The following INPPL1 variants were observed in gnomAD, a reference collection of about 807,000 sequenced individuals.
INPPL1 encodes inositol polyphosphate phosphatase like 1, also known as phosphatidylinositol 3,4,5-trisphosphate 5-phosphatase 2.
A neutral mutation model predicts 139.3 loss-of-function variants in INPPL1; 91 were observed. The ratio of observed to expected loss-of-function variants is 0.65; its 90% CI spans 0.55 to 0.78. The LOEUF (loss-of-function observed/expected upper bound fraction) is 0.78. Among genes scored for constraint, INPPL1 ranks in the 30% least tolerant of loss-of-function variants. INPPL1 has a pLI of 0.00. For synonymous variants in INPPL1, 719 were observed against 686.6 expected (o/e 1.05, Z -0.74); for missense variants, 1,411 against 1,665.6 (o/e 0.85, Z 2.66).
At position 72,235,641 on chromosome 11, in the gene INPPL1, G is replaced by C. The variant is rs1167568815; in HGVS notation, c.2660-34G>C. 2 of 1,611,732 alleles carry C rather than the reference G, an allele frequency of 1.2e-6. No homozygotes were observed. Among genetic ancestry groups the C allele is most frequent in the Non-Finnish European group, 8.5e-7 (1 of 1,178,332 alleles). ...GGTGTCTGTGGGATCCAGGAGCCCA[G>C]GTCTCCTCTGAGTCTCCCTTCCTGC... On this transcript the variant is annotated intron_variant, in intron 23 of 27. Coordinates refer to ENST00000298229, the MANE Select transcript of INPPL1 (RefSeq NM_001567.4). The surrounding 1 kb of genome is among the most constrained non-coding windows in gnomAD (Gnocchi z 4.9).
chr11:72,226,777 T>A (rs560740283), intron 1 of INPPL1, among the ~76,000 whole-genome samples: 1 of 152,210 alleles, frequency 6.6e-6, no homozygotes, highest in East Asian at 1.9e-4. Flanking sequence ...CCCAGCCCCC[T>A]CTGAGGCATA....
At chr11:72,227,491 G>A (rs1416866408) in intron 1 of INPPL1, among the ~76,000 whole-genome samples, 1 of 152,098 alleles carries the variant, frequency 6.6e-6, no homozygotes, top group African/African-American at 2.4e-5. Context: ...GTGACTCCTG[G>A]GTGACTCCTT....
intron 1 of INPPL1, among the ~76,000 whole-genome samples, chr11:72,227,716 T>G (rs1278176496): frequency 6.6e-6 from 1 of 152,194 alleles, no homozygotes; most frequent in African/African-American, 2.4e-5. Context: ...TCGGCACAAG[T>G]GCCCTAGACA....
intron 1 of INPPL1, chr11:72,225,580 G>C (rs929866299): frequency 2.1e-6 from 2 of 967,786 alleles, no homozygotes; most frequent in African/African-American, 3.5e-5. Context: ...GACTGACGGG[G>C]TGTGTGGGGA....
chr11:72,238,500 C>A lies in INPPL1; in HGVS notation c.*147C>A. ...TGCCTATTTATTGGGGATCTGCATT[C>A]CCCGCTGCCCAATCATTTGCAATGC... On this transcript the variant is annotated 3_prime_UTR_variant, in exon 28 of 28. Coordinates refer to ENST00000298229, the MANE Select transcript of INPPL1 (RefSeq NM_001567.4). The A allele has an allele frequency of 1.7e-6, 1 of 603,588 alleles. No individual in the cohort carries two copies. The highest frequency in any genetic ancestry group is 2.7e-6 in the Non-Finnish European group (1 of 368,830). The allele number at this position is 603,588 out of a possible 1,614,324, so 37.4% of individuals were successfully genotyped here.
intron 12 of INPPL1, 140 bp from the exon 13 acceptor site, chr11:72,231,358 C>A: frequency 1.1e-6 from 1 of 905,580 alleles, no homozygotes; most frequent in South Asian, 1.5e-5. Context: ...ACGAGAGGAA[C>A]CATTTCTCTC....
At chr11:72,238,200 G>A (rs1395971755) in intron 27 of INPPL1, 25 bp downstream of exon 27, 2 of 1,612,052 alleles carry the variant, frequency 1.2e-6, no homozygotes, top group Non-Finnish European at 1.7e-6. Context: ...GGCCCCGGGG[G>A]CGGAGCTGGG....
chr11:72,232,100 G>A (rs1425156339), intron 13 of INPPL1, 140 bp from the exon 14 acceptor site: 13 of 684,090 alleles, frequency 1.9e-5, no homozygotes, highest in East Asian at 1.1e-4. Context: ...AGGTGTGGGT[G>A]TGTGCAGGGG....
chr11:72,232,375 C>A (rs369827386), intron 14 of INPPL1, 39 bp downstream of exon 14: 1 of 1,512,574 alleles, frequency 6.6e-7, no homozygotes, highest in Admixed American at 2.0e-5. Context: ...TTACACCCAT[C>A]CCATTCACCT....
rs775065378 is a variant in INPPL1, at chr11:72,235,758, G to A, written c.2738+5G>A. 2 of 1,614,114 alleles carry A rather than the reference G, an allele frequency of 1.2e-6. No homozygotes were observed. Among genetic ancestry groups the A allele is most frequent in the Non-Finnish European group, 8.5e-7 (1 of 1,179,968 alleles). ...CCGAGGGAGCCAGGAGCCCAGGTGA[G>A]CTAGGGCTGTGTTGAATGTCATATG... On this transcript the variant is annotated splice_donor_5th_base_variant and intron_variant, in intron 24 of 27. Coordinates refer to ENST00000298229, the MANE Select transcript of INPPL1 (RefSeq NM_001567.4). The surrounding 1 kb of genome is among the most constrained non-coding windows in gnomAD (Gnocchi z 4.9).
Position 72,238,407 on chromosome 11 carries a change from C to G in INPPL1, c.*54C>G. 7.0e-7 allele frequency: 1 copy of G among 1,436,408 alleles called. No individual in the cohort carries two copies. Among genetic ancestry groups the G allele is most frequent in the African/African-American group, 1.4e-5 (1 of 69,378 alleles). 89.0% of individuals were successfully genotyped at this position (1,436,408 alleles called of 1,614,324 possible). A position where few individuals can be genotyped will look rare whatever the true frequency, so the allele number is the denominator to read the frequency against. On this transcript the variant is annotated 3_prime_UTR_variant, in exon 28 of 28. Transcript: ENST00000298229. ...CAGAGCCCCTCCCTGCTACCAAGGCCCAGCTATGGCCCCAGGGTTGAAAAG... is the reference window on the plus strand; with the variant it reads ...CAGAGCCCCTCCCTGCTACCAAGGCGCAGCTATGGCCCCAGGGTTGAAAAG...
intron 1 of INPPL1, 90 bp downstream of exon 1, chr11:72,225,256 G>A (rs933442203): frequency 6.5e-6 from 8 of 1,221,462 alleles, no homozygotes; most frequent in Non-Finnish European, 7.1e-6. Flanking sequence ...AGGGTTTCTG[G>A]GGCGGTGGGA....
chr11:72,229,592 C>T (rs1052407023), intron 6 of INPPL1, 34 bp downstream of exon 6: 26 of 1,612,078 alleles, frequency 1.6e-5, no homozygotes, highest in African/African-American at 2.7e-5. Context: ...GAGGTGCGTT[C>T]GTGTTCTGGA....
At position 72,237,488 on chromosome 11, in the gene INPPL1, G is replaced by C. The variant is rs377723450; in HGVS notation, c.3244G>C (p.Gly1082Arg). 6.2e-7 allele frequency: 1 copy of C among 1,609,718 alleles called. No homozygotes were observed. Among genetic ancestry groups the C allele is most frequent in the Admixed American group, 1.7e-5 (1 of 59,858 alleles). The change falls in exon 26 of 28, where the codon GGG becomes CGG. Residue 1082 changes from glycine to arginine, a missense_variant. Around this residue, in one of 5 missense-constraint regions of INPPL1, gnomAD observed 438 missense variants for 425.7 expected, o/e 1.03. Transcript: ENST00000298229. ...AGGGCCAGTGGTCCGGGGCCGTGGT[G>C]GGGCTGAGGCCCGTGGCCCACCACC... ...LPGPVVRGRG[G>R]AEARGPPPPK...
At position 72,230,133 on chromosome 11, in the gene INPPL1, G is replaced by T; in HGVS notation, c.952G>T (p.Val318Leu). 1 of 1,609,034 alleles carries T rather than the reference G, an allele frequency of 6.2e-7. No homozygotes were observed. The highest frequency in any genetic ancestry group is 8.5e-7 in the Non-Finnish European group (1 of 1,176,224). ...PVQAFEVKLD[V>L]TLGDLTKIGK... The stretch of plus-strand genomic sequence containing the variant: ...ACCTGGCCTACAGGTGAAGCTAGAT[G>T]TGACCCTGGGTGACCTGACCAAGAT... Residue 318 changes from valine (V) to leucine (L), a missense_variant, in exon 9 of 28, where the codon GTG (valine) becomes TTG (leucine). Around this residue, in one of 5 missense-constraint regions of INPPL1, gnomAD observed 504 missense variants for 595.6 expected, o/e 0.85. Coordinates refer to ENST00000298229, the MANE Select transcript of INPPL1 (RefSeq NM_001567.4).
In INPPL1 at chr11:72,234,428, A is replaced by G; in HGVS notation, c.2326+34A>G. Reference sequence around the variant, plus strand: ...CGTGGCAGGGGCTGGGTGTGGGCCAAGGAGGATGGGAGGCAAGAGGGTGCA... The same window carrying G: ...CGTGGCAGGGGCTGGGTGTGGGCCAGGGAGGATGGGAGGCAAGAGGGTGCA... On this transcript the variant is annotated intron_variant, in intron 20 of 27. Coordinates refer to ENST00000298229, the MANE Select transcript of INPPL1 (RefSeq NM_001567.4). The surrounding 1 kb of genome is among the most constrained non-coding windows in gnomAD (Gnocchi z 4.2). 1 of 1,602,348 alleles carries G rather than the reference A, an allele frequency of 6.2e-7. No homozygotes were observed. Among genetic ancestry groups the G allele is most frequent in the Non-Finnish European group, 8.6e-7 (1 of 1,169,306 alleles).
chr11:72,224,894 C>CCCCGGG lies in INPPL1; in HGVS notation c.-85_-80dup, dbSNP rs1948622960. On this transcript the variant is annotated 5_prime_UTR_variant, in exon 1 of 28. Transcript: ENST00000298229. The stretch of plus-strand genomic sequence containing the variant: ...CGGCCCACGGATCCTCAAGCCCGGG[C>CCCCGGG]CCCGGGCCCGGCCCCAGCCTCAGCC... The CCCCGGG allele has an allele frequency of 1.1e-6, 1 of 908,754 alleles. No individual in the cohort carries two copies. The highest frequency in any genetic ancestry group is 5.7e-5 in the Admixed American group (1 of 17,576). The allele number at this position is 908,754 out of a possible 1,614,324, so 56.3% of individuals were successfully genotyped here. A position where few individuals can be genotyped will look rare whatever the true frequency, so the allele number is the denominator to read the frequency against.
In INPPL1 at chr11:72,232,337, G is replaced by T; in HGVS notation, c.1712+1G>T. The stretch of plus-strand genomic sequence containing the variant: ...CCTCGGGAAATGAGAAGACGGCTCG[G>T]TGAGGGGGCGCCTTTCCCATGGTCT... On this transcript the variant is annotated splice_donor_variant, in intron 14 of 27. Coordinates refer to ENST00000298229, the MANE Select transcript of INPPL1 (RefSeq NM_001567.4). LOFTEE classifies it high-confidence loss of function. 2 of 1,551,212 alleles carry T rather than the reference G, an allele frequency of 1.3e-6. No homozygotes were observed. The highest frequency in any genetic ancestry group is 1.7e-6 in the Non-Finnish European group (2 of 1,146,566).
rs142407699 is a variant in INPPL1, at chr11:72,230,861, C to T, written c.1263C>T (p.Pro421=). 2.5e-5 allele frequency: 40 copies of T among 1,613,824 alleles called. 1 individual carries two copies. The highest frequency in any genetic ancestry group is 2.0e-4 in the Admixed American group (12 of 59,974). ...ACAAGCACTCCAAGCAGGACGAGCC[C>T]GACATGATCTCAGTCTTCATAGGCA... ...MKNKHSKQDE[P]DMISVFIGTW... is the part of the protein sequence containing the mutation. The change falls in exon 11 of 28, where the codon CCC becomes CCT. Residue 421 remains proline, a synonymous_variant. Transcript: ENST00000298229.
Sources: gnomAD v4.1 joint callset for allele counts (sites outside exome capture counted in the v4.1 genomes callset) on GRCh38, gnomAD v4.1.1 for gene constraint, gnomAD v4.1.1 regional missense constraint, Gnocchi (gnomAD v3.1) non-coding constraint, MANE v1.5 for transcripts, NCBI Gene and HGNC (gene_info 2026-07-23, HGNC 2026-07-21) for gene names.